DEPDC4: variants seen among roughly 807,000 people sequenced by gnomAD.
The protein encoded by DEPDC4 is DEP domain-containing protein 4.
DEPDC4 carries 52 observed loss-of-function variants against 52.0 expected under a neutral mutation model. The ratio of observed to expected loss-of-function variants is 1.00; its 90% confidence interval spans 0.80 to 1.26. The LOEUF (loss-of-function observed/expected upper bound fraction) is 1.26, where lower values mean the gene tolerates loss of function less well. DEPDC4 is among the 50% of genes most tolerant of loss of function. DEPDC4 has a pLI of 0.00. For missense variants in DEPDC4, 530 were observed against 546.9 expected (o/e 0.97, Z 0.31); for synonymous variants, 201 against 196.8 (o/e 1.02, Z -0.18).
intron 9 of DEPDC4, among the ~76,000 whole-genome samples, chr12:100,233,744 C>G (rs1308416774): frequency 1.3e-5 from 2 of 152,118 alleles, no homozygotes; most frequent in African/African-American, 4.8e-5. Flanking sequence ...AAGGAATCAG[C>G]AAATAGAAGC....
chr12:100,238,642 T>C (rs1028132648), downstream of DEPDC4, among the ~76,000 whole-genome samples: 2 of 151,422 alleles, frequency 1.3e-5, no homozygotes, highest in African/African-American at 4.9e-5. Flanking sequence ...CCCACCACTG[T>C]ACCTGGCTAA....
At chr12:100,271,129 G>A (rs2096287152), upstream of DEPDC4, among the ~76,000 whole-genome samples, 1 of 151,902 alleles carries the variant, frequency 6.6e-6, no homozygotes, top group East Asian at 1.9e-4. Flanking sequence ...GCATTATCCA[G>A]TTTTTGAAAA....
At chr12:100,244,511 G>A (rs2096176966) in intron 8 of DEPDC4, among the ~76,000 whole-genome samples, 1 of 151,804 alleles carries the variant, frequency 6.6e-6, no homozygotes, top group East Asian at 1.9e-4. Flanking sequence ...GTCTTGCTCT[G>A]TCACCCCAGC....
chr12:100,271,555 A>C (rs2096287741), upstream of DEPDC4, among the ~76,000 whole-genome samples: 1 of 152,208 alleles, frequency 6.6e-6, no homozygotes, highest in Non-Finnish European at 1.5e-5. Context: ...GGATAAAGCA[A>C]ACTATTTTGA....
chr12:100,268,658 C>T (rs138167215), upstream of DEPDC4, among the ~76,000 whole-genome samples: 27 of 152,244 alleles, frequency 1.8e-4, no homozygotes, highest in Admixed American at 1.1e-3. Context: ...TAAATACAGG[C>T]ACATTGTACT....
chr12:100,235,351 G>GTT (rs60398537), downstream of DEPDC4, among the ~76,000 whole-genome samples: 10 of 137,556 alleles, frequency 7.3e-5, no homozygotes, highest in Non-Finnish European at 1.3e-4. Context: ...TTCTTTTAAG[G>GTT]TTTTTTTTTT....
chr12:100,278,934 A>C, the DEPDC4 span, among the ~76,000 whole-genome samples: 2 of 152,036 alleles, frequency 1.3e-5, no homozygotes, highest in Non-Finnish European at 2.9e-5. Context: ...GGCCAGTCTG[A>C]GGAAATTCTT....
At chr12:100,259,089 T>C (rs2096244981) in intron 3 of DEPDC4, among the ~76,000 whole-genome samples, 1 of 150,418 alleles carries the variant, frequency 6.6e-6, no homozygotes, top group African/African-American at 2.5e-5. Flanking sequence ...AAAATATATA[T>C]ATATATCCCA....
At chr12:100,279,654 G>A in the DEPDC4 span, among the ~76,000 whole-genome samples, 1 of 152,250 alleles carries the variant, frequency 6.6e-6, no homozygotes. Flanking sequence ...ATTTAGATTA[G>A]CTTTTACTCT....
At chr12:100,269,008 T>C (rs979545613), upstream of DEPDC4, among the ~76,000 whole-genome samples, 1 of 152,226 alleles carries the variant, frequency 6.6e-6, no homozygotes, top group African/African-American at 2.4e-5. Context: ...TTCCGTAGCC[T>C]CCTGATTATG....
chr12:100,260,109 T>G (rs2096248522), intron 3 of DEPDC4, among the ~76,000 whole-genome samples: 1 of 151,880 alleles, frequency 6.6e-6, no homozygotes, highest in Non-Finnish European at 1.5e-5. Context: ...AAATTATTCT[T>G]ATTATTACCT....
chr12:100,232,235 AC>A (rs768454718), intron 9 of DEPDC4, among the ~76,000 whole-genome samples: 3 of 151,068 alleles, frequency 2.0e-5, no homozygotes, highest in Non-Finnish European at 4.4e-5. Flanking sequence ...CTACTAAAAA[AC>A]AATGCAAAAA....
chr12:100,241,918 C>G (rs1373473129), intron 9 of DEPDC4, 73 bp from the exon 10 acceptor site: 5 of 1,013,060 alleles, frequency 4.9e-6, no homozygotes, highest in Non-Finnish European at 6.1e-6. Context: ...ACCAACTAAA[C>G]TGTACTTATC....
chr12:100,238,120 TAA>T (rs1350607400), downstream of DEPDC4: 448 of 795,868 alleles, frequency 5.6e-4, no homozygotes, highest in Middle Eastern at 1.9e-3. Flanking sequence ...CTCCCCAACT[TAA>T]AAAAAAAAAA....
intron 3 of DEPDC4, among the ~76,000 whole-genome samples, chr12:100,259,906 A>C (rs1188557563): frequency 2.6e-5 from 4 of 151,996 alleles, no homozygotes; most frequent in Non-Finnish European, 5.9e-5. Flanking sequence ...TACTTTTAAA[A>C]ACCCACATTA....
chr12:100,278,842 A>G, the DEPDC4 span, among the ~76,000 whole-genome samples: 2 of 151,906 alleles, frequency 1.3e-5, no homozygotes, highest in South Asian at 2.1e-4. Flanking sequence ...GTTTGCCAGG[A>G]TGGTCTCCAT....
chr12:100,238,505 G>A (rs1000292512), downstream of DEPDC4, among the ~76,000 whole-genome samples: 2 of 128,232 alleles, frequency 1.6e-5, no homozygotes, highest in African/African-American at 5.8e-5. Flanking sequence ...ATCTAGCTTA[G>A]TGCTTTTTTT....
At chr12:100,234,400 A>G (rs2096138490) in intron 9 of DEPDC4, among the ~76,000 whole-genome samples, 1 of 152,206 alleles carries the variant, frequency 6.6e-6, no homozygotes. Context: ...GAACTGACCT[A>G]ACAGGATTCT....
downstream of DEPDC4, among the ~76,000 whole-genome samples, chr12:100,239,575 G>C (rs532484487): frequency 1.3e-5 from 2 of 152,178 alleles, no homozygotes; most frequent in East Asian, 3.9e-4. Flanking sequence ...TGTAGAGACA[G>C]GGTCAAACTA....
Sources: allele counts gnomAD v4.1 joint callset (sites outside exome capture counted in the v4.1 genomes callset), GRCh38; gene constraint gnomAD v4.1.1; transcripts MANE v1.5; gene names NCBI Gene and HGNC (gene_info 2026-07-23, HGNC 2026-07-21).